The following USP43 variants were observed in gnomAD, a reference collection of about 807,000 sequenced individuals.
USP43 encodes ubiquitin specific peptidase 43.
In USP43, 33 loss-of-function variants were observed where a neutral mutation model predicts 90.7. That is an observed-to-expected ratio of 0.36 (90% CI 0.28 to 0.49). The LOEUF (loss-of-function observed/expected upper bound fraction) is 0.49. USP43 is among the 20% of genes least tolerant of loss of function. The pLI, the probability that USP43 is intolerant of heterozygous loss-of-function variation, is 0.98. For missense variants in USP43, 1,274 were observed against 1,476.4 expected, an observed-to-expected ratio of 0.86 and a Z score of 2.25; for synonymous variants, 598 against 615.8, an observed-to-expected ratio of 0.97 and a Z score of 0.43.
At chr17:9,660,876 G>A (rs1020270161) in intron 2 of USP43, among the ~76,000 whole-genome samples, 2 of 152,216 alleles carry the variant, frequency 1.3e-5, no homozygotes, top group Non-Finnish European at 2.9e-5. Flanking sequence ...CCTCAAATTT[G>A]CTCTCAGAAA....
intron 7 of USP43, among the ~76,000 whole-genome samples, chr17:9,684,379 G>C (rs1251306657): frequency 6.6e-6 from 1 of 152,112 alleles, no homozygotes; most frequent in African/African-American, 2.4e-5. Context: ...GAATTTTCCA[G>C]CTCTTGAAAA....
intron 8 of USP43, among the ~76,000 whole-genome samples, chr17:9,690,985 CT>C (rs1305455321): frequency 1.3e-5 from 2 of 152,276 alleles, no homozygotes; most frequent in African/African-American, 4.8e-5. Flanking sequence ...ATGAATTTTC[CT>C]GTTTTAGGTA....
intron 2 of USP43, among the ~76,000 whole-genome samples, chr17:9,659,989 G>T (rs1912534375): frequency 6.6e-6 from 1 of 152,130 alleles, no homozygotes; most frequent in South Asian, 2.1e-4. Flanking sequence ...TTCAGAGATT[G>T]CCAAATGTCC....
At chr17:9,681,465 T>C (rs1914256308) in intron 6 of USP43, among the ~76,000 whole-genome samples, 1 of 73,032 alleles carries the variant, frequency 1.4e-5, no homozygotes, top group Admixed American at 2.1e-4. Flanking sequence ...AAATATATTA[T>C]ATATATATAT....
intron 2 of USP43, among the ~76,000 whole-genome samples, chr17:9,662,249 G>T (rs1912692843): frequency 6.6e-6 from 1 of 152,096 alleles, no homozygotes; most frequent in African/African-American, 2.4e-5. Context: ...CAAAACAGGG[G>T]TTGCTACTAC....
chr17:9,680,451 A>G, intron 6 of USP43, 85 bp downstream of exon 6: 1 of 1,492,248 alleles, frequency 6.7e-7, no homozygotes, highest in Non-Finnish European at 9.1e-7. Flanking sequence ...AAGGCATAAA[A>G]CATCCAATTT....
At chr17:9,675,195 G>C (rs1447461037) in intron 4 of USP43, among the ~76,000 whole-genome samples, 2 of 152,192 alleles carry the variant, frequency 1.3e-5, no homozygotes, top group East Asian at 3.9e-4. Context: ...AAGGAATTAT[G>C]AATGTTTGGC....
At chr17:9,721,720 AT>A (rs11340592) in intron 14 of USP43, among the ~76,000 whole-genome samples, 14,516 of 119,006 alleles carry the variant, frequency 0.12, 1,073 homozygotes, top group African/African-American at 0.29. Context: ...GTATAGCTGT[AT>A]TTTTTTTTTT....
intron 2 of USP43, among the ~76,000 whole-genome samples, chr17:9,656,883 A>T (rs1296929609): frequency 6.6e-6 from 1 of 152,230 alleles, no homozygotes; most frequent in African/African-American, 2.4e-5. Context: ...AGATGGTACC[A>T]TTTGAACTCT....
At chr17:9,717,092 G>T (rs1916613160) in intron 14 of USP43, among the ~76,000 whole-genome samples, 1 of 151,118 alleles carries the variant, frequency 6.6e-6, no homozygotes, top group South Asian at 2.1e-4. Context: ...CCAGGAGGTG[G>T]AGGTTGCAAT....
rs1438660228 is a variant in USP43, at chr17:9,715,624, CTGTGTGTGTGTTTCT to C, written c.2335+3504_2335+3518del. Among the ~76,000 whole-genome samples, 9 of 121,906 alleles carry C rather than the reference CTGTGTGTGTGTTTCT, an allele frequency of 7.4e-5. 1 individual carries two copies. The East Asian group carries it at 2.1e-3, about 28-fold the overall frequency. The allele number at this position is 121,906 out of a possible 152,430, so 80.0% of individuals were successfully genotyped here. On this transcript the variant is annotated intron_variant, in intron 14 of 14. Coordinates refer to ENST00000285199, the MANE Select transcript of USP43 (RefSeq NM_153210.5). Reference sequence around the variant, plus strand: ...TGTGTGTGTCTCTGTGAGTGTATGTCTGTGTGTGTGTTTCTTGTGTGTGTGTCTCTATGTGTATGT... The same window carrying C: ...TGTGTGTGTCTCTGTGAGTGTATGTCTGTGTGTGTGTCTCTATGTGTATGT...
intron 12 of USP43, among the ~76,000 whole-genome samples, chr17:9,706,479 T>A (rs1490264799): frequency 6.6e-6 from 1 of 152,096 alleles, no homozygotes; most frequent in Non-Finnish European, 1.5e-5. Context: ...TTTAGCTTAT[T>A]ACATTTAAAT....
intron 9 of USP43, among the ~76,000 whole-genome samples, chr17:9,694,252 G>A (rs1915125645): frequency 6.6e-6 from 1 of 152,140 alleles, no homozygotes; most frequent in East Asian, 1.9e-4. Context: ...CAGGGTAGCA[G>A]GTGAGCCAGA....
chr17:9,651,172 ATGTTTTTTTTGTT>A (rs375716443), intron 1 of USP43, among the ~76,000 whole-genome samples: 45 of 149,724 alleles, frequency 3.0e-4, no homozygotes, highest in Non-Finnish European at 5.3e-4. Flanking sequence ...CAGCTGTTTG[ATGTTTTTTTTGTT>A]TGTTTTTTTT....
At chr17:9,661,982 C>G (rs889404090) in intron 2 of USP43, among the ~76,000 whole-genome samples, 10 of 152,134 alleles carry the variant, frequency 6.6e-5, no homozygotes, top group Admixed American at 2.0e-4. Flanking sequence ...ACAGGGAAAG[C>G]TGAAGGACCA....
chr17:9,655,351 A>G (rs1912167191), intron 1 of USP43, among the ~76,000 whole-genome samples: 1 of 152,256 alleles, frequency 6.6e-6, no homozygotes, highest in African/African-American at 2.4e-5. Flanking sequence ...ACACATGTAT[A>G]GCAAAAGTCC....
At chr17:9,713,209 C>A (rs1429836120) in intron 14 of USP43, among the ~76,000 whole-genome samples, 1 of 152,100 alleles carries the variant, frequency 6.6e-6, no homozygotes, top group Non-Finnish European at 1.5e-5. Flanking sequence ...CTTCCTCAGC[C>A]TCTAGAGTAG....
At chr17:9,688,807 C>T (rs909471031) in intron 8 of USP43, among the ~76,000 whole-genome samples, 1 of 152,190 alleles carries the variant, frequency 6.6e-6, no homozygotes. Flanking sequence ...CTGCCTCCGC[C>T]TCCTGAGTAG....
rs1456286615 is a variant in USP43, at chr17:9,645,547, A to C, written c.-86A>C. The C allele has an allele frequency of 8.9e-7, 1 of 1,126,620 alleles. No homozygotes were observed. The allele number at this position is 1,126,620 out of a possible 1,614,324, so 69.8% of individuals were successfully genotyped here. On this transcript the variant is annotated 5_prime_UTR_variant, in exon 1 of 15. Transcript: ENST00000285199. This position sits in a 1 kb window ranked among gnomAD's most constrained non-coding sequence, Gnocchi z 6.8. Reference sequence around the variant, plus strand: ...TGGCCCGCAGGTAGCCGGCACCAGGAGCCTTAGAGAAGCTGTAGGGCCTGC... The same window carrying C: ...TGGCCCGCAGGTAGCCGGCACCAGGCGCCTTAGAGAAGCTGTAGGGCCTGC...
Sources: gnomAD v4.1 joint callset for allele counts (sites outside exome capture counted in the v4.1 genomes callset) on GRCh38, gnomAD v4.1.1 for gene constraint, Gnocchi (gnomAD v3.1) non-coding constraint, MANE v1.5 for transcripts, NCBI Gene and HGNC (gene_info 2026-07-23, HGNC 2026-07-21) for gene names.